Variants in MYOF observed in about 807,000 individuals in gnomAD.
The protein encoded by MYOF is fer-1-like 3, myoferlin.
MYOF carries 244 observed loss-of-function variants against 284.2 expected under a neutral mutation model. That is an observed-to-expected ratio of 0.86 (90% CI 0.77 to 0.95). The LOEUF (loss-of-function observed/expected upper bound fraction) is 0.95, where lower values mean the gene tolerates loss of function less well. Ranked by LOEUF, MYOF falls within the 40% of genes least tolerant of loss-of-function variation. The pLI, the probability that MYOF is intolerant of heterozygous loss-of-function variation, is 0.00. For missense variants in MYOF, 2,496 were observed against 2,560.6 expected (o/e 0.97, Z 0.54); for synonymous variants, 904 against 919.7 (o/e 0.98, Z 0.31).
At chr10:93,334,498 T>G (rs75886589) in intron 41 of MYOF, among the ~76,000 whole-genome samples, 5 of 152,192 alleles carry the variant, frequency 3.3e-5, no homozygotes, top group Non-Finnish European at 5.9e-5. Context: ...GATCCTTCAT[T>G]AGACTGTGGG....
At chr10:93,418,642 G>C (rs983648826) in intron 5 of MYOF, among the ~76,000 whole-genome samples, 1 of 152,192 alleles carries the variant, frequency 6.6e-6, no homozygotes, top group Non-Finnish European at 1.5e-5. Context: ...CAGGCAAAAT[G>C]TACGACTGCA....
rs535226546 is a variant in MYOF at position 93,454,745 on chromosome 10, A to G, written c.144+2137T>C. ...GTAAACTCAGCACTTTGGGAGGCCA[A>G]GATGGGAAAATGGCTTGAGACCAGG... On this transcript the variant is annotated intron_variant, in intron 2 of 53. Coordinates refer to ENST00000359263, the MANE Select transcript of MYOF (RefSeq NM_013451.4). Among the ~76,000 whole-genome samples the G allele has an allele frequency of 2.2e-4, 33 of 152,264 alleles. No individual in the cohort carries two copies. In the South Asian group the frequency reaches 5.6e-3, roughly 26 times the overall value.
intron 5 of MYOF, among the ~76,000 whole-genome samples, chr10:93,410,139 C>T (rs1847841364): frequency 6.6e-6 from 1 of 152,178 alleles, no homozygotes; most frequent in East Asian, 1.9e-4. Flanking sequence ...CCTCCCACTG[C>T]AGATCTTCTC....
intron 49 of MYOF, among the ~76,000 whole-genome samples, chr10:93,318,920 A>G (rs1286815291): frequency 6.6e-6 from 1 of 152,218 alleles, no homozygotes; most frequent in African/African-American, 2.4e-5. Flanking sequence ...CAGGGCACCT[A>G]TAGAAGACAT....
At chr10:93,341,288 T>C (rs1011665525) in intron 38 of MYOF, among the ~76,000 whole-genome samples, 1 of 152,092 alleles carries the variant, frequency 6.6e-6, no homozygotes, top group African/African-American at 2.4e-5. Flanking sequence ...GGCTTTTTTT[T>C]TTTTCAGACT....
intron 28 of MYOF, among the ~76,000 whole-genome samples, 186 bp downstream of exon 28, chr10:93,361,266 C>T (rs369206147): frequency 1.6e-4 from 24 of 152,266 alleles, no homozygotes; most frequent in African/African-American, 5.1e-4. Context: ...ACTTGCCCGC[C>T]GCTCACCTCC....
intron 3 of MYOF, among the ~76,000 whole-genome samples, chr10:93,443,434 TCTTCTCTCC>T (rs1307902671): frequency 2.0e-5 from 3 of 150,682 alleles, no homozygotes; most frequent in Non-Finnish European, 4.4e-5. Flanking sequence ...CTCTCCTCTC[TCTTCTCTCC>T]TCTTTCTTCT....
chr10:93,431,682 A>G (rs1279748878), intron 3 of MYOF, among the ~76,000 whole-genome samples, 166 bp from the exon 4 acceptor site: 3 of 151,828 alleles, frequency 2.0e-5, no homozygotes, highest in Non-Finnish European at 4.4e-5. Context: ...GGCAGTAAAC[A>G]TATCTGCCAT....
intron 1 of MYOF, among the ~76,000 whole-genome samples, chr10:93,460,184 G>A (rs1217598606): frequency 6.6e-6 from 1 of 152,148 alleles, no homozygotes; most frequent in Non-Finnish European, 1.5e-5. Context: ...CTCCAGGGAG[G>A]TCACAGAAAA....
intron 22 of MYOF, 76 bp from the exon 23 acceptor site, chr10:93,375,031 A>T: frequency 7.3e-7 from 1 of 1,376,308 alleles, no homozygotes; most frequent in East Asian, 2.4e-5. Flanking sequence ...TGTCAAATAC[A>T]TTTATGTTGG....
At chr10:93,340,872 G>C (rs554804833) in intron 38 of MYOF, among the ~76,000 whole-genome samples, 65 of 152,260 alleles carry the variant, frequency 4.3e-4, no homozygotes, top group African/African-American at 1.5e-3. Flanking sequence ...TAGAGCATTA[G>C]CCAAGCTCGT....
intron 29 of MYOF, among the ~76,000 whole-genome samples, chr10:93,357,897 T>G (rs1431307841): frequency 6.6e-6 from 1 of 152,102 alleles, no homozygotes; most frequent in Non-Finnish European, 1.5e-5. Context: ...AGAAGAGCGT[T>G]CAAGCACCTT....
At chr10:93,310,396 C>A in intron 52 of MYOF, 138 bp downstream of exon 52, 1 of 1,006,776 alleles carries the variant, frequency 9.9e-7, no homozygotes, top group Non-Finnish European at 1.4e-6. Context: ...GATCACCAAC[C>A]TCTCCACCCC....
intron 5 of MYOF, among the ~76,000 whole-genome samples, chr10:93,409,969 G>A (rs747866836): frequency 2.0e-5 from 3 of 152,200 alleles, no homozygotes; most frequent in African/African-American, 2.4e-5. Flanking sequence ...GGTTGCCTTC[G>A]AAGAGACCAA....
At chr10:93,430,780 T>C (rs1305094736) in intron 4 of MYOF, among the ~76,000 whole-genome samples, 1 of 152,058 alleles carries the variant, frequency 6.6e-6, no homozygotes, top group Non-Finnish European at 1.5e-5. Context: ...AATTATCTCA[T>C]AGAAAATCAA....
chr10:93,477,017 A>C (rs2057277978), intron 1 of MYOF, among the ~76,000 whole-genome samples: 1 of 152,230 alleles, frequency 6.6e-6, no homozygotes, highest in African/African-American at 2.4e-5. Flanking sequence ...ACAACTACGT[A>C]CCCAAGGAGA....
intron 1 of MYOF, among the ~76,000 whole-genome samples, chr10:93,477,222 TG>T (rs1409852983): frequency 6.6e-6 from 1 of 152,220 alleles, no homozygotes; most frequent in Non-Finnish European, 1.5e-5. Context: ...CCAGATGCAG[TG>T]GCTCATGCCT....
intron 12 of MYOF, among the ~76,000 whole-genome samples, chr10:93,400,853 G>GTTT (rs551007757): frequency 4.7e-4 from 53 of 113,936 alleles, no homozygotes; most frequent in Non-Finnish European, 7.1e-4. Context: ...TGCTCAGCAT[G>GTTT]TTTTTTTTTT....
intron 42 of MYOF, 100 bp downstream of exon 42, chr10:93,333,658 T>G: frequency 2.6e-5 from 38 of 1,442,628 alleles, no homozygotes; most frequent in Non-Finnish European, 3.2e-5. Context: ...TTTCCCCTAG[T>G]GAGATAACAG....
Sources: allele counts gnomAD v4.1 joint callset (sites outside exome capture counted in the v4.1 genomes callset), GRCh38; gene constraint gnomAD v4.1.1; transcripts MANE v1.5; gene names NCBI Gene and HGNC (gene_info 2026-07-23, HGNC 2026-07-21).